TMEM132D: variants seen among roughly 807,000 people sequenced by gnomAD.
The protein encoded by TMEM132D is mature OL transmembrane protein.
Under a neutral mutation model 62.3 loss-of-function variants are expected in TMEM132D, and 21 were observed. That is an observed-to-expected ratio of 0.34 (90% CI 0.24 to 0.49). TMEM132D has a LOEUF of 0.49. Ranked by LOEUF, TMEM132D falls within the 20% of genes least tolerant of loss-of-function variation. The pLI, the probability that TMEM132D is intolerant of heterozygous loss-of-function variation, is 0.99. For synonymous variants in TMEM132D, 621 were observed against 575.6 expected, an observed-to-expected ratio of 1.08 and a Z score of -1.13; for missense variants, 1,346 against 1,402.8, an observed-to-expected ratio of 0.96 and a Z score of 0.65.
intron 1 of TMEM132D, among the ~76,000 whole-genome samples, chr12:129,812,182 C>T (rs920275003): frequency 2.0e-5 from 3 of 151,874 alleles, no homozygotes; most frequent in East Asian, 3.9e-4. Context: ...ATTCCCATAA[C>T]GTGTCATCAC....
chr12:129,515,404 C>G (rs1160338584), intron 3 of TMEM132D, among the ~76,000 whole-genome samples: 2 of 152,110 alleles, frequency 1.3e-5, no homozygotes, highest in Non-Finnish European at 2.9e-5. Flanking sequence ...AGGGCACTAC[C>G]AATGTGATTG....
At chr12:129,233,420 G>A (rs575598432) in intron 4 of TMEM132D, among the ~76,000 whole-genome samples, 2 of 152,184 alleles carry the variant, frequency 1.3e-5, no homozygotes, top group Non-Finnish European at 2.9e-5. Context: ...ATGTTCTACT[G>A]TAGCAGCTTT....
At chr12:129,452,285 T>C (rs1328815466) in intron 3 of TMEM132D, among the ~76,000 whole-genome samples, 3 of 152,200 alleles carry the variant, frequency 2.0e-5, no homozygotes, top group Non-Finnish European at 4.4e-5. Flanking sequence ...CTCTGTTAAT[T>C]GTGAGGACCA....
intron 6 of TMEM132D, among the ~76,000 whole-genome samples, chr12:129,084,050 C>T (rs1354559968): frequency 6.6e-6 from 1 of 152,180 alleles, no homozygotes; most frequent in African/African-American, 2.4e-5. Flanking sequence ...TCTGCTGCCT[C>T]CTCCTTTCCA....
At chr12:129,866,496 G>T (rs1351506300) in intron 1 of TMEM132D, among the ~76,000 whole-genome samples, 1 of 151,494 alleles carries the variant, frequency 6.6e-6, no homozygotes, top group African/African-American at 2.4e-5. Flanking sequence ...TAATGTAAAT[G>T]ACGAGTTAAT....
At chr12:129,353,964 T>C (rs1283259277) in intron 3 of TMEM132D, among the ~76,000 whole-genome samples, 1 of 152,018 alleles carries the variant, frequency 6.6e-6, no homozygotes, top group Non-Finnish European at 1.5e-5. Context: ...CATTCCCCAA[T>C]AATGCTCACT....
At chr12:129,804,390 G>A (rs1328661707) in intron 1 of TMEM132D, among the ~76,000 whole-genome samples, 165 of 110,124 alleles carry the variant, frequency 1.5e-3, no homozygotes, top group Non-Finnish European at 2.5e-3. Context: ...TTCAATATAC[G>A]CAAATCAATA....
At chr12:129,569,194 G>T (rs1036246381) in intron 2 of TMEM132D, among the ~76,000 whole-genome samples, 1 of 152,178 alleles carries the variant, frequency 6.6e-6, no homozygotes, top group African/African-American at 2.4e-5. Context: ...CTAATAACCT[G>T]ATCAATGAGA....
At chr12:129,720,428 T>G (rs1439111602) in intron 1 of TMEM132D, among the ~76,000 whole-genome samples, 1 of 152,202 alleles carries the variant, frequency 6.6e-6, no homozygotes, top group African/African-American at 2.4e-5. Context: ...CAGTAAATAC[T>G]GGAAAAAATG....
intron 5 of TMEM132D, among the ~76,000 whole-genome samples, chr12:129,198,767 G>A (rs55659511): frequency 0.16 from 24,688 of 152,106 alleles, 2,444 homozygotes; most frequent in Non-Finnish European, 0.22. Context: ...TTCAAAACGT[G>A]TCAAGAGAGT....
intron 3 of TMEM132D, among the ~76,000 whole-genome samples, chr12:129,476,315 G>A (rs1874254329): frequency 6.6e-6 from 1 of 152,212 alleles, no homozygotes; most frequent in South Asian, 2.1e-4. Flanking sequence ...AAGTATTGCT[G>A]TCAGGGATCA....
At chr12:129,161,850 C>A (rs1044856184) in intron 5 of TMEM132D, among the ~76,000 whole-genome samples, 10 of 152,166 alleles carry the variant, frequency 6.6e-5, no homozygotes, top group Middle Eastern at 3.2e-3. Flanking sequence ...CTCACACTGC[C>A]ACTTTGTTGC....
At chr12:129,473,816 G>A (rs568293013) in intron 3 of TMEM132D, among the ~76,000 whole-genome samples, 7 of 152,320 alleles carry the variant, frequency 4.6e-5, no homozygotes, top group African/African-American at 1.4e-4. Flanking sequence ...TCCGAGGCAT[G>A]TCCATAGCAG....
intron 3 of TMEM132D, among the ~76,000 whole-genome samples, chr12:129,514,022 G>C: frequency 6.7e-6 from 1 of 149,208 alleles, no homozygotes; most frequent in Non-Finnish European, 1.5e-5. Context: ...TGTATTTTCA[G>C]TGGAGACGGG....
intron 3 of TMEM132D, among the ~76,000 whole-genome samples, chr12:129,471,934 G>T (rs575700922): frequency 6.6e-6 from 1 of 152,248 alleles, no homozygotes; most frequent in Non-Finnish European, 1.5e-5. Context: ...TCTTAGAGAG[G>T]TGAGGAAGCT....
At chr12:129,230,803 A>C (rs1445719513) in intron 4 of TMEM132D, among the ~76,000 whole-genome samples, 1 of 152,232 alleles carries the variant, frequency 6.6e-6, no homozygotes, top group East Asian at 1.9e-4. Flanking sequence ...TGCTCTGCTA[A>C]CAGTATTCAA....
At chr12:129,318,952 G>A (rs1213702711) in intron 4 of TMEM132D, among the ~76,000 whole-genome samples, 2 of 152,120 alleles carry the variant, frequency 1.3e-5, no homozygotes, top group African/African-American at 4.8e-5. Context: ...CCAACTGAAG[G>A]GCTGGTTTCA....
intron 2 of TMEM132D, among the ~76,000 whole-genome samples, chr12:129,659,604 T>TAA (rs34095467): frequency 4.0e-4 from 60 of 149,756 alleles, no homozygotes; most frequent in Middle Eastern, 3.5e-3. Context: ...GATAAATGGG[T>TAA]AAAAAAAAAA....
chr12:129,395,806 A>G (rs1871410461), intron 3 of TMEM132D, among the ~76,000 whole-genome samples: 1 of 92,816 alleles, frequency 1.1e-5, no homozygotes, highest in African/African-American at 3.9e-5. Context: ...ATTTCTATAT[A>G]GATATATCTA....
Sources: gnomAD v4.1 joint callset for allele counts (sites outside exome capture counted in the v4.1 genomes callset) on GRCh38, gnomAD v4.1.1 for gene constraint, MANE v1.5 for transcripts, NCBI Gene and HGNC (gene_info 2026-07-23, HGNC 2026-07-21) for gene names.